The following IL1RAPL2 variants were observed in gnomAD, a reference collection of about 807,000 sequenced individuals.
IL1RAPL2 encodes interleukin 1 receptor accessory protein like 2, also known as X-linked interleukin-1 receptor accessory protein-like 2.
IL1RAPL2 carries 3 observed loss-of-function variants against 44.1 expected under a neutral mutation model. The ratio of observed to expected loss-of-function variants is 0.07; its 90% CI spans 0.03 to 0.18. The LOEUF is 0.18. IL1RAPL2 is among the 10% of genes least tolerant of loss of function. The pLI is 1.00. For missense variants in IL1RAPL2, 391 were observed against 496.4 expected (o/e 0.79, Z 2.02); for synonymous variants, 181 against 178.8 (o/e 1.01, Z -0.10).
At chrX:104,916,379 T>C in intron 2 of IL1RAPL2, among the ~76,000 whole-genome samples, 1 of 111,732 alleles carries the variant, frequency 8.9e-6, no homozygotes, top group Non-Finnish European at 1.9e-5. Flanking sequence ...TTGTCTGTTA[T>C]TGGTGTATAA....
intron 2 of IL1RAPL2, among the ~76,000 whole-genome samples, chrX:105,073,885 G>T (rs1331937542): frequency 9.0e-6 from 1 of 111,440 alleles, no homozygotes; most frequent in African/African-American, 3.3e-5. Context: ...TTTTGATGGG[G>T]TTGTTTGTTT....
chrX:105,031,961 G>T (rs2031508503), intron 2 of IL1RAPL2, among the ~76,000 whole-genome samples: 2 of 111,511 alleles, frequency 1.8e-5, no homozygotes, highest in East Asian at 5.7e-4. Context: ...TTGGGAGGGT[G>T]TATGTGTCGA....
At chrX:105,540,929 T>TATATACATATATTATATATGATATATAAA (rs2036727624) in intron 6 of IL1RAPL2, among the ~76,000 whole-genome samples, 1 of 101,321 alleles carries the variant, frequency 9.9e-6, no homozygotes, top group Non-Finnish European at 2.0e-5. Flanking sequence ...TGATATATAA[T>TATATACATATATTATATATGATATATAAA]ATATACATAT....
intron 2 of IL1RAPL2, among the ~76,000 whole-genome samples, chrX:105,164,059 GA>G (rs67151343): frequency 0.022 from 2,243 of 101,193 alleles, 58 homozygotes; most frequent in African/African-American, 0.076. Flanking sequence ...TTAAAGGTAG[GA>G]AAAAATAACC....
At chrX:105,658,466 G>A (rs1000533921) in intron 6 of IL1RAPL2, among the ~76,000 whole-genome samples, 1 of 112,104 alleles carries the variant, frequency 8.9e-6, no homozygotes, top group African/African-American at 3.2e-5. Context: ...AACAAGCTAA[G>A]ATTGCAAACA....
chrX:105,763,158 G>T (rs1426188632), intron 10 of IL1RAPL2, among the ~76,000 whole-genome samples: 1 of 111,528 alleles, frequency 9.0e-6, no homozygotes, highest in African/African-American at 3.3e-5. Context: ...AAATATTTTA[G>T]GTTTCGTAGA....
At chrX:105,314,511 C>T (rs1485645668) in intron 5 of IL1RAPL2, among the ~76,000 whole-genome samples, 1 of 111,986 alleles carries the variant, frequency 8.9e-6, no homozygotes, top group Non-Finnish European at 1.9e-5. Flanking sequence ...GGCAGATGCA[C>T]TTTTTTCAAT....
chrX:104,635,478 G>A (rs1236103477), intron 1 of IL1RAPL2, among the ~76,000 whole-genome samples: 3 of 111,712 alleles, frequency 2.7e-5, no homozygotes, highest in African/African-American at 9.8e-5. Flanking sequence ...TTTCAGGTAC[G>A]CCAATCAGAC....
chrX:104,988,151 A>G (rs1259928445), intron 2 of IL1RAPL2, among the ~76,000 whole-genome samples: 5 of 112,167 alleles, frequency 4.5e-5, no homozygotes, highest in Non-Finnish European at 9.4e-5. Flanking sequence ...GTGCAGAGAC[A>G]TTTCCTGTAG....
At chrX:105,722,370 A>G (rs1374385121) in intron 7 of IL1RAPL2, among the ~76,000 whole-genome samples, 1 of 111,678 alleles carries the variant, frequency 9.0e-6, no homozygotes, top group Non-Finnish European at 1.9e-5. Flanking sequence ...TGTGGTTTCT[A>G]TAATTCTTTC....
chrX:104,940,721 TTTTTA>T (rs1175897421), intron 2 of IL1RAPL2, among the ~76,000 whole-genome samples: 9 of 110,710 alleles, frequency 8.1e-5, no homozygotes, highest in East Asian at 2.8e-4. Flanking sequence ...TTACATTGAT[TTTTTA>T]TTTTATTTTA....
At chrX:105,602,685 G>A (rs2037262489) in intron 6 of IL1RAPL2, among the ~76,000 whole-genome samples, 1 of 108,988 alleles carries the variant, frequency 9.2e-6, no homozygotes, top group African/African-American at 3.3e-5. Context: ...AAAAGAGCAA[G>A]AGAAAAGTGT....
At position 105,484,382 on chromosome X, in the gene IL1RAPL2, A is replaced by G; in HGVS notation, c.767A>G (p.Gln256Arg). The change falls in exon 6 of 11, where the codon CAG becomes CGG. Residue 256 changes from glutamine (Q) to arginine (R), a missense_variant. Physicochemically the swap from Gln to Arg is conservative, Grantham distance 43 (BLOSUM62 1). This residue lies in a region of IL1RAPL2 where 159 missense variants were observed against 251.7 expected (regional missense o/e 0.63). Coordinates refer to ENST00000372582, the MANE Select transcript of IL1RAPL2 (RefSeq NM_017416.2). Reference protein sequence around the residue: ...MENQPSVIDVQLGKPLNIPCK... With the variant: ...MENQPSVIDVRLGKPLNIPCK... ...AATCAGCCAAGTGTTATAGATGTCCAGCTGGGTAAGTCCCCTCCTTGGAAT... is the reference window on the plus strand; with the variant it reads ...AATCAGCCAAGTGTTATAGATGTCCGGCTGGGTAAGTCCCCTCCTTGGAAT... The G allele has an allele frequency of 8.4e-7, 1 of 1,185,968 alleles. No homozygotes were observed.
intron 3 of IL1RAPL2, chrX:105,219,886 T>A: frequency 9.4e-7 from 1 of 1,060,377 alleles, no homozygotes; most frequent in Middle Eastern, 2.7e-4. Context: ...TGGAGAGGGG[T>A]GGGAATGGGG....
At chrX:105,028,096 G>A (rs916004955) in intron 2 of IL1RAPL2, among the ~76,000 whole-genome samples, 1 of 111,201 alleles carries the variant, frequency 9.0e-6, no homozygotes, top group Non-Finnish European at 1.9e-5. Context: ...CAAATATCAC[G>A]TGTTCTCACC....
At chrX:104,942,589 T>A (rs2147703563) in intron 2 of IL1RAPL2, among the ~76,000 whole-genome samples, 1 of 111,736 alleles carries the variant, frequency 8.9e-6, no homozygotes, top group African/African-American at 3.3e-5. Context: ...TTCAGGAGAT[T>A]TTGGGCTTAA....
chrX:105,742,875 A>G (rs968967510), intron 8 of IL1RAPL2, among the ~76,000 whole-genome samples: 5 of 111,330 alleles, frequency 4.5e-5, no homozygotes, highest in African/African-American at 1.6e-4. Flanking sequence ...CCTGCCTACA[A>G]ACCTGATCCT....
chrX:104,611,154 G>A (rs1929148448), intron 1 of IL1RAPL2, among the ~76,000 whole-genome samples: 1 of 111,722 alleles, frequency 9.0e-6, no homozygotes, highest in African/African-American at 3.3e-5. Context: ...CACTTGAGGA[G>A]GCAGTCTGTC....
At chrX:104,982,624 A>G (rs145837371) in intron 2 of IL1RAPL2, among the ~76,000 whole-genome samples, 1,257 of 111,467 alleles carry the variant, frequency 0.011, 20 homozygotes, top group African/African-American at 0.038. Context: ...AAAACAGAAA[A>G]CAAACAGAAA....
Sources: allele counts gnomAD v4.1 joint callset (sites outside exome capture counted in the v4.1 genomes callset), GRCh38; gene constraint gnomAD v4.1.1; regional missense constraint gnomAD v4.1.1; transcripts MANE v1.5; gene names NCBI Gene and HGNC (gene_info 2026-07-23, HGNC 2026-07-21).